NFATC2: variants seen among roughly 807,000 people sequenced by gnomAD.
NFATC2 encodes nuclear factor of activated T cells 2.
NFATC2 carries 22 observed loss-of-function variants against 87.3 expected under a neutral mutation model. The ratio of observed to expected loss-of-function variants is 0.25; its 90% confidence interval spans 0.18 to 0.36. The LOEUF is 0.36. NFATC2 is among the 10% of genes least tolerant of loss of function. The pLI, the probability that NFATC2 is intolerant of heterozygous loss-of-function variation, is 1.00. For missense variants in NFATC2, 1,149 were observed against 1,259.1 expected, an observed-to-expected ratio of 0.91 and a Z score of 1.32; for synonymous variants, 565 against 542.2, an observed-to-expected ratio of 1.04 and a Z score of -0.58.
At chr20:51,554,774 G>T (rs569729513) in intron 1 of NFATC2, among the ~76,000 whole-genome samples, 3 of 152,260 alleles carry the variant, frequency 2.0e-5, no homozygotes, top group Admixed American at 2.0e-4. Context: ...TGCTATTCCT[G>T]GGTGATTAGC....
chr20:51,557,480 G>A (rs1424458368), intron 1 of NFATC2, among the ~76,000 whole-genome samples: 2 of 152,194 alleles, frequency 1.3e-5, no homozygotes, highest in Admixed American at 6.5e-5. Context: ...AGTGGTGGCT[G>A]CTGTCACTGT....
intron 5 of NFATC2, among the ~76,000 whole-genome samples, chr20:51,457,053 C>T (rs2037402445): frequency 6.6e-6 from 1 of 152,238 alleles, no homozygotes; most frequent in South Asian, 2.1e-4. Flanking sequence ...CTGCCGGCTA[C>T]AAGGATAGAT....
chr20:51,520,649 T>A (rs1371943697), intron 2 of NFATC2, among the ~76,000 whole-genome samples: 2 of 150,738 alleles, frequency 1.3e-5, no homozygotes, highest in African/African-American at 4.8e-5. Context: ...TATTTTTATT[T>A]ATTATTATTA....
Position 51,539,553 on chromosome 20 carries a change from G to A in NFATC2, c.130+2817C>T, listed in dbSNP as rs532585220. 4.6e-5 allele frequency among the ~76,000 whole-genome samples: 7 copies of A among 152,068 alleles called. No homozygotes were observed. The East Asian group carries it at 1.2e-3, about 25-fold the overall frequency. ...GGCTGGAGTGCAGTGGCACGATCAC[G>A]GCTCAGGGCAGCCTCGAACTCCTGG... is the stretch of plus-strand genomic sequence containing the variant. On this transcript the variant is annotated intron_variant, in intron 1 of 10. Coordinates refer to ENST00000371564, the MANE Select transcript of NFATC2 (RefSeq NM_012340.5).
upstream of NFATC2, chr20:51,542,832 G>A: frequency 6.1e-6 from 4 of 656,132 alleles, no homozygotes; most frequent in Non-Finnish European, 7.6e-6. Flanking sequence ...GGAGGGGAGG[G>A]GCGCGCGGCC....
chr20:51,458,042 C>G (rs1465848500), intron 5 of NFATC2, among the ~76,000 whole-genome samples: 1 of 152,044 alleles, frequency 6.6e-6, no homozygotes, highest in Non-Finnish European at 1.5e-5. Flanking sequence ...TGTGCCACCA[C>G]ATCCTGCTTA....
chr20:51,475,740 T>A, intron 3 of NFATC2, 80 bp from the exon 4 acceptor site: 1 of 1,371,380 alleles, frequency 7.3e-7, no homozygotes, highest in Non-Finnish European at 1.0e-6. Flanking sequence ...ACCAGAGAGC[T>A]CATGGGCAGT....
At chr20:51,454,759 A>G in intron 5 of NFATC2, 71 bp from the exon 6 acceptor site, 2 of 1,559,464 alleles carry the variant, frequency 1.3e-6, no homozygotes, top group South Asian at 2.3e-5. Flanking sequence ...GTCTGATTTC[A>G]TGGTACTGAG....
At chr20:51,443,497 A>C (rs1255457897) in intron 6 of NFATC2, among the ~76,000 whole-genome samples, 1 of 152,200 alleles carries the variant, frequency 6.6e-6, no homozygotes, top group African/African-American at 2.4e-5. Flanking sequence ...CCAAGCCCTT[A>C]TTACGGGATC....
At chr20:51,405,443 C>CATCTCAT (rs1555869715) in intron 9 of NFATC2, among the ~76,000 whole-genome samples, 1 of 151,626 alleles carries the variant, frequency 6.6e-6, no homozygotes, top group Non-Finnish European at 1.5e-5. Context: ...TGTCATCTCA[C>CATCTCAT]CGTGCCTCAC....
At chr20:51,476,855 C>G (rs921782565) in intron 3 of NFATC2, among the ~76,000 whole-genome samples, 7 of 152,276 alleles carry the variant, frequency 4.6e-5, no homozygotes, top group Admixed American at 1.3e-4. Context: ...CACTTTTCAC[C>G]TGTTAGATTG....
At chr20:51,408,409 G>A (rs1484384872) in intron 9 of NFATC2, among the ~76,000 whole-genome samples, 3 of 151,280 alleles carry the variant, frequency 2.0e-5, no homozygotes, top group African/African-American at 7.3e-5. Context: ...AGCTACTCGG[G>A]AGGCTAAGGC....
chr20:51,561,508 C>A (rs547915833), intron 1 of NFATC2, among the ~76,000 whole-genome samples: 351 of 148,254 alleles, frequency 2.4e-3, no homozygotes, highest in African/African-American at 3.8e-3. Flanking sequence ...AGCAAGCAAG[C>A]AAGCAAGCAA....
At chr20:51,433,467 G>C (rs867226341) in intron 8 of NFATC2, among the ~76,000 whole-genome samples, 10 of 152,214 alleles carry the variant, frequency 6.6e-5, no homozygotes, top group South Asian at 2.1e-4. Flanking sequence ...TGTGTGCAAA[G>C]CACTGAGTAC....
chr20:51,494,690 G>A (rs1276467885), intron 3 of NFATC2, among the ~76,000 whole-genome samples: 7 of 152,176 alleles, frequency 4.6e-5, no homozygotes, highest in Admixed American at 2.0e-4. Flanking sequence ...CTCACCTCCC[G>A]TGGCAGAGAG....
At chr20:51,500,437 A>G (rs1412220721) in intron 3 of NFATC2, among the ~76,000 whole-genome samples, 3 of 152,008 alleles carry the variant, frequency 2.0e-5, no homozygotes, top group African/African-American at 7.3e-5. Flanking sequence ...AAAACTAAAC[A>G]TAGGCACTTC....
At chr20:51,496,373 C>A (rs1480228713) in intron 3 of NFATC2, among the ~76,000 whole-genome samples, 1 of 151,812 alleles carries the variant, frequency 6.6e-6, no homozygotes, top group East Asian at 1.9e-4. Context: ...AACAGAGTTC[C>A]CTCACCTCTG....
chr20:51,478,274 G>T (rs1375794537), intron 3 of NFATC2, among the ~76,000 whole-genome samples: 2 of 152,222 alleles, frequency 1.3e-5, no homozygotes, highest in Non-Finnish European at 2.9e-5. Context: ...ATTGAGAAGA[G>T]ATTTTGTTTT....
At chr20:51,459,670 A>G (rs938086904) in intron 5 of NFATC2, among the ~76,000 whole-genome samples, 1 of 152,062 alleles carries the variant, frequency 6.6e-6, no homozygotes, top group Non-Finnish European at 1.5e-5. Context: ...CTGAGGTCAG[A>G]AGTTCGAGAC....
Sources: gnomAD v4.1 joint callset for allele counts (sites outside exome capture counted in the v4.1 genomes callset) on GRCh38, gnomAD v4.1.1 for gene constraint, MANE v1.5 for transcripts, NCBI Gene and HGNC (gene_info 2026-07-23, HGNC 2026-07-21) for gene names.